CRIM1: variants seen among roughly 807,000 people sequenced by gnomAD.
CRIM1 encodes the protein cysteine-rich motor neuron 1 protein.
A neutral mutation model predicts 116.4 loss-of-function variants in CRIM1; 32 were observed. That is an observed-to-expected ratio of 0.27 (90% confidence interval 0.21 to 0.37). The LOEUF is 0.37. CRIM1 is among the 10% of genes least tolerant of loss of function. The pLI is 1.00. For missense variants in CRIM1, 1,331 were observed against 1,354.8 expected, an observed-to-expected ratio of 0.98 and a Z score of 0.28; for synonymous variants, 590 against 509.2, an observed-to-expected ratio of 1.16 and a Z score of -2.13.
intron 12 of CRIM1, among the ~76,000 whole-genome samples, chr2:36,520,902 T>A (rs754315631): frequency 7.2e-5 from 11 of 152,228 alleles, no homozygotes; most frequent in African/African-American, 1.4e-4. Context: ...CTCATGAAGT[T>A]GGTTCTGGGA....
rs150908854 is a variant in CRIM1 at position 36,547,142 on chromosome 2, C to G, written c.2905C>G (p.Leu969Val). ...FINQKKQWIP[L>V]LCWYRTPTKP... ...CAATCAGAAGAAACAGTGGATACCA[C>G]TGCTTTGCTGGTATCGAACACCAAC... Residue 969 changes from leucine to valine, a missense_variant, in exon 16 of 17, where the codon CTG becomes GTG. Around this residue, in one of 3 missense-constraint regions of CRIM1, gnomAD observed 283 missense variants for 242.8 expected, o/e 1.17. Coordinates refer to ENST00000280527, the MANE Select transcript of CRIM1 (RefSeq NM_016441.3). 2.5e-6 allele frequency: 4 copies of G among 1,612,708 alleles called. No homozygotes were observed. The African/African-American group carries it at 5.3e-5, about 22-fold the overall frequency.
intron 1 of CRIM1, among the ~76,000 whole-genome samples, chr2:36,389,878 G>A (rs1035859999): frequency 6.6e-6 from 1 of 152,104 alleles, no homozygotes; most frequent in African/African-American, 2.4e-5. Flanking sequence ...GCCACAGCTC[G>A]TTCCTGTAGC....
intron 1 of CRIM1, among the ~76,000 whole-genome samples, chr2:36,367,749 C>T (rs1012489729): frequency 3.3e-5 from 5 of 152,148 alleles, no homozygotes; most frequent in African/African-American, 9.7e-5. Context: ...GTTTATCAAG[C>T]GGCAGTGGAG....
rs1159175887 is a variant in CRIM1, at chr2:36,550,893, ATTTT to A, written c.*2196_*2199del. 2 of 152,334 alleles carry A rather than the reference ATTTT, an allele frequency of 1.3e-5. No homozygotes were observed. Among genetic ancestry groups the A allele is most frequent in the Non-Finnish European group, 2.9e-5 (2 of 67,928 alleles). The allele number at this position is 152,334 out of a possible 1,614,324, so 9.4% of individuals were successfully genotyped here. Reference sequence around the variant, plus strand: ...TAACAGGATATAGGACAAGGTGTAAATTTTTTTATTATTATTTTAAAGATATGAT... The same window carrying A: ...TAACAGGATATAGGACAAGGTGTAAATTTATTATTATTTTAAAGATATGAT... On this transcript the variant is annotated 3_prime_UTR_variant, in exon 17 of 17. Coordinates refer to ENST00000280527, the MANE Select transcript of CRIM1 (RefSeq NM_016441.3).
chr2:36,465,919 C>T (rs1015274244), intron 5 of CRIM1, among the ~76,000 whole-genome samples: 1 of 151,394 alleles, frequency 6.6e-6, no homozygotes, highest in African/African-American at 2.4e-5. Flanking sequence ...AGAGTCTCGC[C>T]CTGTCGCCCA....
rs758923143 is a variant in CRIM1, at chr2:36,544,337, G to C, written c.2624-39G>C. 24 of 1,313,360 alleles carry C rather than the reference G, an allele frequency of 1.8e-5. 1 individual carries two copies. In the Admixed American group the frequency reaches 6.7e-4, roughly 37 times the overall value. 81.4% of individuals were successfully genotyped at this position (1,313,360 alleles called of 1,614,324 possible). A position where few individuals can be genotyped will look rare whatever the true frequency, so the allele number is the denominator to read the frequency against. On this transcript the variant is annotated intron_variant, in intron 14 of 16. Transcript: ENST00000280527. ...GAATACAAAAGCCAACAATACAGCA[G>C]CTTCATCATCTCTTAGGAAAAATGT...
At chr2:36,397,513 C>CATTA (rs1672113783) in intron 2 of CRIM1, among the ~76,000 whole-genome samples, 2 of 152,050 alleles carry the variant, frequency 1.3e-5, no homozygotes, top group Non-Finnish European at 2.9e-5. Flanking sequence ...CGCTAACCAG[C>CATTA]ATTAAACTCT....
intron 1 of CRIM1, among the ~76,000 whole-genome samples, chr2:36,358,914 TAAC>T (rs997842147): frequency 6.6e-6 from 1 of 152,140 alleles, no homozygotes; most frequent in South Asian, 2.1e-4. Context: ...TGTTTTCACT[TAAC>T]GACAAGATTT....
At chr2:36,464,241 C>T (rs1177125953) in intron 4 of CRIM1, among the ~76,000 whole-genome samples, 2 of 152,130 alleles carry the variant, frequency 1.3e-5, no homozygotes, top group African/African-American at 4.8e-5. Context: ...TTGTTACGCT[C>T]AATACCAGTC....
chr2:36,385,979 A>G (rs1013732300), intron 1 of CRIM1, among the ~76,000 whole-genome samples: 5 of 152,308 alleles, frequency 3.3e-5, no homozygotes, highest in African/African-American at 1.2e-4. Flanking sequence ...ATAATGAAAA[A>G]TGTATATCCT....
In CRIM1 at chr2:36,356,236, GGCGCCCGCCCC is replaced by G; in HGVS notation, c.-54_-44del. 7.5e-6 allele frequency: 8 copies of G among 1,068,088 alleles called. 1 individual carries two copies. The South Asian group carries it at 1.3e-4, about 17-fold the overall frequency. The allele number at this position is 1,068,088 out of a possible 1,614,324, so 66.2% of individuals were successfully genotyped here. A position where few individuals can be genotyped will look rare whatever the true frequency, so the allele number is the denominator to read the frequency against. ...GGCGCGTGTGCCCCGCGCAGGGGAGGGCGCCCGCCCCGCTCCCGGCCCGGCTGCGAGGAGGA... is the reference window on the plus strand; with the variant it reads ...GGCGCGTGTGCCCCGCGCAGGGGAGGGCTCCCGGCCCGGCTGCGAGGAGGA... On this transcript the variant is annotated 5_prime_UTR_variant, in exon 1 of 17. Coordinates refer to ENST00000280527, the MANE Select transcript of CRIM1 (RefSeq NM_016441.3). The surrounding 1 kb of genome is among the most constrained non-coding windows in gnomAD (Gnocchi z 4.3).
chr2:36,492,835 C>A (rs899599808), intron 7 of CRIM1, among the ~76,000 whole-genome samples: 4 of 152,040 alleles, frequency 2.6e-5, no homozygotes, highest in Non-Finnish European at 5.9e-5. Flanking sequence ...CACGTTCAGC[C>A]CCCTCCAACC....
At chr2:36,486,297 T>G (rs953381783) in intron 7 of CRIM1, among the ~76,000 whole-genome samples, 1 of 152,218 alleles carries the variant, frequency 6.6e-6, no homozygotes, top group Non-Finnish European at 1.5e-5. Flanking sequence ...GTAGAAGTAG[T>G]TTAATAGAGA....
chr2:36,489,170 C>T (rs1342979004), intron 7 of CRIM1, among the ~76,000 whole-genome samples: 3 of 152,228 alleles, frequency 2.0e-5, no homozygotes, highest in South Asian at 2.1e-4. Flanking sequence ...TACCATTTGC[C>T]CGTGCCTGTG....
intron 1 of CRIM1, among the ~76,000 whole-genome samples, chr2:36,372,703 T>G (rs931585311): frequency 6.6e-6 from 1 of 152,232 alleles, no homozygotes; most frequent in Admixed American, 6.5e-5. Flanking sequence ...TTCCCAAGTT[T>G]ACGATGCTCA....
chr2:36,447,764 C>T (rs538948713), intron 4 of CRIM1, among the ~76,000 whole-genome samples: 1 of 152,186 alleles, frequency 6.6e-6, no homozygotes, highest in Non-Finnish European at 1.5e-5. Context: ...CATTTTTAAT[C>T]CACCCTAATC....
In CRIM1 at chr2:36,467,670, A is replaced by G. The variant is rs575796471; in HGVS notation, c.991+3015A>G. Among the ~76,000 whole-genome samples the G allele has an allele frequency of 7.9e-5, 12 of 152,350 alleles. No individual in the cohort carries two copies. In the South Asian group the frequency reaches 2.5e-3, roughly 32 times the overall value. The stretch of plus-strand genomic sequence containing the variant: ...GACTCACAGCCATAGAATTGTAAGT[A>G]AAAGTTGAAAGTGAAAAATCAAACA... On this transcript the variant is annotated intron_variant, in intron 5 of 16. Coordinates refer to ENST00000280527, the MANE Select transcript of CRIM1 (RefSeq NM_016441.3).
At position 36,517,474 on chromosome 2, in the gene CRIM1, A is replaced by G; in HGVS notation, c.2138A>G (p.Glu713Gly). The change falls in exon 12 of 17, where the codon GAG (glutamate) becomes GGG (glycine). Residue 713 changes from glutamate (E) to glycine (G), a missense_variant. Physicochemically the swap from Glu to Gly is moderately conservative, Grantham distance 98. Around this residue, in one of 3 missense-constraint regions of CRIM1, gnomAD observed 358 missense variants for 436.1 expected, o/e 0.82. Transcript: ENST00000280527. ...AGCGGACGGGTGCTGTGTGAGACAG[A>G]GGTGTGCCCACCGCTGCTCTGCCAG... ...CHSGRVLCET[E>G]VCPPLLCQNP... The G allele has an allele frequency of 1.2e-6, 2 of 1,614,174 alleles. No individual in the cohort carries two copies. Among genetic ancestry groups the G allele is most frequent in the Non-Finnish European group, 1.7e-6 (2 of 1,180,008 alleles).
chr2:36,372,624 T>C (rs1254531675), intron 1 of CRIM1, among the ~76,000 whole-genome samples: 1 of 152,238 alleles, frequency 6.6e-6, no homozygotes, highest in Non-Finnish European at 1.5e-5. Context: ...TGCCATTTTA[T>C]CACTTTAGTC....
Sources: gnomAD v4.1 joint callset for allele counts (sites outside exome capture counted in the v4.1 genomes callset) on GRCh38, gnomAD v4.1.1 for gene constraint, gnomAD v4.1.1 regional missense constraint, Gnocchi (gnomAD v3.1) non-coding constraint, MANE v1.5 for transcripts, NCBI Gene and HGNC (gene_info 2026-07-23, HGNC 2026-07-21) for gene names.